MME: variants seen among roughly 807,000 people sequenced by gnomAD.
The protein encoded by MME is neprilysin.
In MME, 98 loss-of-function variants were observed where a neutral mutation model predicts 113.2. The ratio of observed to expected loss-of-function variants is 0.87; its 90% confidence interval spans 0.74 to 1.02. The LOEUF (loss-of-function observed/expected upper bound fraction) is 1.02, where lower values mean the gene tolerates loss of function less well. Ranked by LOEUF, MME falls within the 50% of genes least tolerant of loss-of-function variation. The pLI, the probability that MME is intolerant of heterozygous loss-of-function variation, is 0.00. For synonymous variants in MME, 292 were observed against 300.6 expected (o/e 0.97, Z 0.30); for missense variants, 836 against 896.0 (o/e 0.93, Z 0.86).
chr3:155,066,858 A>G (rs1228255126), intron 1 of MME, among the ~76,000 whole-genome samples: 1 of 152,206 alleles, frequency 6.6e-6, no homozygotes, highest in Admixed American at 6.5e-5. Context: ...AATTTCCAAG[A>G]TGAGACTTTT....
chr3:155,041,585 T>C (rs931359891), intron 1 of MME, among the ~76,000 whole-genome samples: 3 of 152,180 alleles, frequency 2.0e-5, no homozygotes, highest in Non-Finnish European at 4.4e-5. Flanking sequence ...CAATTGCCAC[T>C]TTAATCTTGA....
intron 3 of MME, chr3:155,090,237 C>G (rs558004736): frequency 6.6e-6 from 1 of 152,242 alleles, no homozygotes; most frequent in South Asian, 2.1e-4. Context: ...CTGCACATAC[C>G]AAGAAAACTT....
chr3:155,062,702 A>G (rs1299226571), intron 1 of MME, among the ~76,000 whole-genome samples: 1 of 152,128 alleles, frequency 6.6e-6, no homozygotes, highest in Non-Finnish European at 1.5e-5. Context: ...TATGTTTATT[A>G]TGTTCTGAGA....
chr3:155,123,741 C>T (rs761104102), intron 8 of MME, among the ~76,000 whole-genome samples: 1,716 of 52,092 alleles, frequency 0.033, 169 homozygotes, highest in East Asian at 0.086. Context: ...ATGTTGAATA[C>T]TGGCCCCCAC....
At chr3:155,150,213 T>C (rs1161168920) in intron 16 of MME, among the ~76,000 whole-genome samples, 2 of 152,216 alleles carry the variant, frequency 1.3e-5, no homozygotes, top group Non-Finnish European at 2.9e-5. Flanking sequence ...GGAAATTTCT[T>C]CATAATTCTA....
At chr3:155,102,330 C>T (rs995386787) in intron 3 of MME, among the ~76,000 whole-genome samples, 3 of 152,166 alleles carry the variant, frequency 2.0e-5, no homozygotes, top group African/African-American at 7.2e-5. Flanking sequence ...GAATTAGAAT[C>T]CTTTCCCTGG....
chr3:155,078,301 A>G (rs1189509263), upstream of MME, among the ~76,000 whole-genome samples: 1 of 152,174 alleles, frequency 6.6e-6, no homozygotes. Context: ...GAAAACACCA[A>G]TATTTCGGGA....
chr3:155,048,337 A>G (rs1041214638), intron 1 of MME, among the ~76,000 whole-genome samples: 1 of 152,168 alleles, frequency 6.6e-6, no homozygotes, highest in Non-Finnish European at 1.5e-5. Flanking sequence ...AAACTCACTC[A>G]ATATGGAACA....
chr3:155,087,692 TCTCA>T (rs926983201), intron 3 of MME, among the ~76,000 whole-genome samples: 1 of 152,298 alleles, frequency 6.6e-6, no homozygotes, highest in Admixed American at 6.5e-5. Context: ...TTCTCTCTTC[TCTCA>T]CTATTTTTCC....
At chr3:155,083,934 A>G in intron 1 of MME, 1 of 500,446 alleles carries the variant, frequency 2.0e-6, no homozygotes. Context: ...AAACAAAACA[A>G]AACAACAGCA....
intron 7 of MME, among the ~76,000 whole-genome samples, chr3:155,118,301 C>G (rs906435985): frequency 1.3e-5 from 2 of 152,200 alleles, no homozygotes; most frequent in African/African-American, 4.8e-5. Flanking sequence ...TATTAACCCA[C>G]TCCCACCAAT....
intron 22 of MME, among the ~76,000 whole-genome samples, chr3:155,180,029 A>G (rs951092365): frequency 6.6e-6 from 1 of 152,232 alleles, no homozygotes; most frequent in African/African-American, 2.4e-5. Flanking sequence ...TTACAAACAC[A>G]TATAATGCTT....
At chr3:155,098,942 T>C (rs1389376200) in intron 3 of MME, among the ~76,000 whole-genome samples, 2 of 152,072 alleles carry the variant, frequency 1.3e-5, no homozygotes, top group East Asian at 3.9e-4. Flanking sequence ...CAAGCAGAGA[T>C]GAATGCCTCT....
At chr3:155,179,469 T>C (rs1712865232) in intron 22 of MME, among the ~76,000 whole-genome samples, 5 of 152,164 alleles carry the variant, frequency 3.3e-5, no homozygotes, top group Admixed American at 3.3e-4. Context: ...CACACAGTAG[T>C]ACACCTGCCA....
intron 3 of MME, among the ~76,000 whole-genome samples, chr3:155,097,759 A>G (rs1426378240): frequency 6.6e-6 from 1 of 152,216 alleles, no homozygotes; most frequent in African/African-American, 2.4e-5. Context: ...TGAAGTAACA[A>G]ACAAAAATCT....
chr3:155,034,867 C>A (rs1713079966), intron 1 of MME, among the ~76,000 whole-genome samples: 1 of 152,222 alleles, frequency 6.6e-6, no homozygotes, highest in South Asian at 2.1e-4. Context: ...GGATAACAAA[C>A]AAGTTTCATA....
At chr3:155,075,599 A>C (rs1280603123), upstream of MME, among the ~76,000 whole-genome samples, 1 of 152,102 alleles carries the variant, frequency 6.6e-6, no homozygotes, top group Non-Finnish European at 1.5e-5. Context: ...TGGTTGTATT[A>C]GTACTTTTTA....
At chr3:155,072,470 G>C (rs1169865693) in intron 1 of MME, among the ~76,000 whole-genome samples, 1 of 152,166 alleles carries the variant, frequency 6.6e-6, no homozygotes, top group East Asian at 1.9e-4. Flanking sequence ...ATTCTACACA[G>C]AGTTTTCTTG....
chr3:155,098,826 T>C (rs1716968278), intron 3 of MME, among the ~76,000 whole-genome samples: 1 of 152,014 alleles, frequency 6.6e-6, no homozygotes, highest in South Asian at 2.1e-4. Flanking sequence ...AAGAAATTCT[T>C]AAGCTAGAGT....
Sources: allele counts gnomAD v4.1 joint callset (sites outside exome capture counted in the v4.1 genomes callset), GRCh38; gene constraint gnomAD v4.1.1; transcripts MANE v1.5; gene names NCBI Gene and HGNC (gene_info 2026-07-23, HGNC 2026-07-21).